The following MED13L variants were observed in gnomAD, a reference collection of about 807,000 sequenced individuals.
MED13L encodes mediator complex subunit 13L, also known as mediator of RNA polymerase II transcription subunit 13-like.
Under a neutral mutation model 220.9 loss-of-function variants are expected in MED13L, and 7 were observed. The observed-to-expected ratio is 0.03, with a 90% CI of 0.02 to 0.06. The LOEUF (loss-of-function observed/expected upper bound fraction) is 0.06. Among genes scored for constraint, MED13L ranks in the 10% least tolerant of loss-of-function variants. The probability of loss-of-function intolerance (pLI) is 1.00; values close to 1 mark genes in which losing one functional copy is unlikely to be tolerated. For synonymous variants in MED13L, 1,011 were observed against 1,015.2 expected (o/e 1.00, Z 0.08); for missense variants, 1,965 against 2,760.5 (o/e 0.71, Z 6.46).
Position 116,096,699 on chromosome 12 carries a change from T to A in MED13L, c.449A>T (p.Tyr150Phe), listed in dbSNP as rs762975453. Residue 150 changes from tyrosine to phenylalanine, a missense_variant, in exon 4 of 31, where the codon TAC (tyrosine) becomes TTC (phenylalanine). Around this residue, in one of 10 missense-constraint regions of MED13L, gnomAD observed 818 missense variants for 1,041.2 expected, o/e 0.79. Transcript: ENST00000281928. Reference protein sequence around the residue: ...VRIGKWFVRPYEKDEKPVNKS... With the variant: ...VRIGKWFVRPFEKDEKPVNKS... ...GTTGACTGGCTTTTCATCCTTTTCG[T>A]AGGGTCGGACAAACCATTTCCCAAT... 7 of 1,614,050 alleles carry A rather than the reference T, an allele frequency of 4.3e-6. 1 individual carries two copies. In the South Asian group the frequency reaches 7.7e-5, roughly 18 times the overall value.
Position 115,991,304 on chromosome 12 carries a change from T to C in MED13L, c.3650A>G (p.Lys1217Arg), listed in dbSNP as rs1170915696. 1 of 1,613,962 alleles carries C rather than the reference T, an allele frequency of 6.2e-7. No homozygotes were observed. The highest frequency in any genetic ancestry group is 2.2e-5 in the East Asian group (1 of 44,868). ...TFLPQVEGTK[K>R]PQEPPISLLL... is the part of the protein sequence containing the mutation. ...AAGGCTTATGGGTGGCTCCTGGGGTTTTTTGGTTCCTTCCACCTGAGGAAG... is the reference window on the plus strand; with the variant it reads ...AAGGCTTATGGGTGGCTCCTGGGGTCTTTTGGTTCCTTCCACCTGAGGAAG... The change falls in exon 17 of 31, where the codon AAA (lysine) becomes AGA (arginine). Residue 1217 changes from lysine (K) to arginine (R), a missense_variant. Lys to Arg is a conservative substitution (Grantham distance 26, BLOSUM62 2). Around this residue, in one of 10 missense-constraint regions of MED13L, gnomAD observed 165 missense variants for 190.8 expected, o/e 0.86. Coordinates refer to ENST00000281928, the MANE Select transcript of MED13L (RefSeq NM_015335.5). This position sits in a 1 kb window ranked among gnomAD's most constrained non-coding sequence, Gnocchi z 7.7.
chr12:116,005,414 G>A (rs1201721277), intron 13 of MED13L, among the ~76,000 whole-genome samples: 1 of 152,086 alleles, frequency 6.6e-6, no homozygotes, highest in Admixed American at 6.6e-5. Flanking sequence ...CTACAATGAT[G>A]CCATGATCTT....
In MED13L at chr12:115,959,739, C is replaced by A. The variant is rs1168787377; in HGVS notation, c.*1527G>T. 6.6e-6 allele frequency: 1 copy of A among 152,560 alleles called. No individual in the cohort carries two copies. The highest frequency in any genetic ancestry group is 2.4e-5 in the African/African-American group (1 of 41,420). 9.5% of individuals were successfully genotyped at this position (152,560 alleles called of 1,614,324 possible). The stretch of plus-strand genomic sequence containing the variant: ...CAAGTTATTTCTCTGCTTTCACATT[C>A]CCACCACACAACTTTTTTTTTAATA... On this transcript the variant is annotated 3_prime_UTR_variant, in exon 31 of 31. Transcript: ENST00000281928.
chr12:115,983,243 C>G lies in MED13L; in HGVS notation c.4829G>C (p.Ser1610Thr). The stretch of plus-strand genomic sequence containing the variant: ...AGTGCTGGGGTTCTGCCCTCCAACA[C>G]TACCACTGAATCCTGAAGAAGAGGT... ...STTSSSGFSG[S>T]VGGQNPSTGG... The change falls in exon 21 of 31, where the codon AGT becomes ACT. Residue 1610 changes from serine to threonine, a missense_variant. By Grantham distance (58) the Ser-to-Thr change is moderately conservative. Coordinates refer to ENST00000281928, the MANE Select transcript of MED13L (RefSeq NM_015335.5). 6.2e-7 allele frequency: 1 copy of G among 1,614,196 alleles called. No homozygotes were observed. The highest frequency in any genetic ancestry group is 8.5e-7 in the Non-Finnish European group (1 of 1,180,024).
intron 1 of MED13L, among the ~76,000 whole-genome samples, chr12:116,248,803 C>T (rs1871277693): frequency 6.6e-6 from 1 of 152,252 alleles, no homozygotes; most frequent in African/African-American, 2.4e-5. Context: ...ATAACATACA[C>T]AGACAAATGT....
chr12:116,188,252 A>G (rs897560349), intron 2 of MED13L, among the ~76,000 whole-genome samples: 2 of 152,170 alleles, frequency 1.3e-5, no homozygotes, highest in Non-Finnish European at 1.5e-5. Flanking sequence ...TTCTAAAACC[A>G]TGTTTTTGAA....
chr12:115,964,531 CTTTAT>C (rs1019513934), intron 29 of MED13L, among the ~76,000 whole-genome samples: 1 of 152,160 alleles, frequency 6.6e-6, no homozygotes, highest in Non-Finnish European at 1.5e-5. Flanking sequence ...GCTTCTTTCT[CTTTAT>C]TTTTTTATTT....
chr12:116,100,598 CAAAAAAAAA>C (rs760855189), intron 3 of MED13L, among the ~76,000 whole-genome samples: 6 of 68,002 alleles, frequency 8.8e-5, no homozygotes, highest in Non-Finnish European at 1.8e-4. Flanking sequence ...GACTCCGTCT[CAAAAAAAAA>C]AAAAAAAAAA....
At chr12:116,149,329 G>A (rs1831979327) in intron 2 of MED13L, among the ~76,000 whole-genome samples, 1 of 152,126 alleles carries the variant, frequency 6.6e-6, no homozygotes, top group South Asian at 2.1e-4. Flanking sequence ...TGATCAGAAG[G>A]AATTGTCTAG....
chr12:116,241,193 T>C (rs1870605704), intron 1 of MED13L, among the ~76,000 whole-genome samples: 1 of 151,394 alleles, frequency 6.6e-6, no homozygotes, highest in Admixed American at 6.6e-5. Flanking sequence ...TAATCCCAGC[T>C]ACTTGGGAGG....
At chr12:116,081,185 T>C (rs1241556799) in intron 4 of MED13L, among the ~76,000 whole-genome samples, 1 of 152,250 alleles carries the variant, frequency 6.6e-6, no homozygotes, top group Non-Finnish European at 1.5e-5. Flanking sequence ...CTTATCCTTA[T>C]ATTCTTTTAT....
intron 2 of MED13L, among the ~76,000 whole-genome samples, chr12:116,198,760 C>T (rs1445036450): frequency 7.1e-6 from 1 of 141,232 alleles, no homozygotes; most frequent in African/African-American, 2.6e-5. Context: ...GATCTTATGA[C>T]TTGCCCTCCA....
chr12:115,992,688 G>A (rs2137311741), intron 16 of MED13L, among the ~76,000 whole-genome samples: 1 of 152,296 alleles, frequency 6.6e-6, no homozygotes, highest in Middle Eastern at 3.4e-3. Context: ...TACACATACT[G>A]TATCAGAGTT....
rs115680731 is a variant in MED13L, at chr12:116,017,136, G to A, written c.1010-1862C>T. On this transcript the variant is annotated intron_variant, in intron 7 of 30. Transcript: ENST00000281928. ...GTGTGTTTGTTTTAAGGAATAAGGC[G>A]ACATCAGGGGATTTATTTATCCAAG... 4.7e-3 allele frequency among the ~76,000 whole-genome samples: 719 copies of A among 152,268 alleles called. 4 individuals carry two copies. The highest frequency in any genetic ancestry group is 0.017 in the African/African-American group (691 of 41,540).
intron 7 of MED13L, among the ~76,000 whole-genome samples, chr12:116,015,574 T>G (rs552556778): frequency 6.6e-6 from 1 of 152,294 alleles, no homozygotes; most frequent in South Asian, 2.1e-4. Flanking sequence ...AGTCCACATG[T>G]ATTGGAAACA....
chr12:116,204,117 C>T (rs1882173251), intron 2 of MED13L, among the ~76,000 whole-genome samples: 1 of 152,180 alleles, frequency 6.6e-6, no homozygotes, highest in East Asian at 1.9e-4. Context: ...CAACCTAACT[C>T]AAAGTTTCTG....
In MED13L at chr12:116,022,535, C is replaced by T. The variant is rs781132536; in HGVS notation, c.546G>A (p.Glu182=). ...HGESNVCTSV[E]IAQHQPIYLI... ...AATAAATTGGCTGGTGCTGGGCAAT[C>T]TCCACACTTGTGCATACATTACTTT... The change falls in exon 5 of 31, where the codon GAG becomes GAA. Residue 182 remains glutamate, a synonymous_variant. Coordinates refer to ENST00000281928, the MANE Select transcript of MED13L (RefSeq NM_015335.5). The T allele has an allele frequency of 1.2e-5, 19 of 1,613,242 alleles. No individual in the cohort carries two copies. The highest frequency in any genetic ancestry group is 1.7e-5 in the Admixed American group (1 of 59,858).
chr12:115,977,393 T>C (rs1418909179), intron 23 of MED13L, among the ~76,000 whole-genome samples: 1 of 152,200 alleles, frequency 6.6e-6, no homozygotes, highest in East Asian at 1.9e-4. Flanking sequence ...TGCTCAAAGT[T>C]GCAAAGCTAA....
At chr12:116,130,852 TA>T (rs34602030) in intron 2 of MED13L, among the ~76,000 whole-genome samples, 96,628 of 149,540 alleles carry the variant, frequency 0.65, 32,185 homozygotes, top group East Asian at 0.81. Context: ...CTAAGCCATT[TA>T]AAAAAAAAAA....
Sources: allele counts gnomAD v4.1 joint callset (sites outside exome capture counted in the v4.1 genomes callset), GRCh38; gene constraint gnomAD v4.1.1; regional missense constraint gnomAD v4.1.1; non-coding constraint Gnocchi (gnomAD v3.1); transcripts MANE v1.5; gene names NCBI Gene and HGNC (gene_info 2026-07-23, HGNC 2026-07-21).